DNAH9: variants seen among roughly 807,000 people sequenced by gnomAD.
DNAH9 encodes the protein dynein axonemal heavy chain 9.
In DNAH9, 345 loss-of-function variants were observed where a neutral mutation model predicts 471.6. The ratio of observed to expected loss-of-function variants is 0.73; its 90% confidence interval spans 0.67 to 0.80. The LOEUF is 0.80. Among genes scored for constraint, DNAH9 ranks in the 30% least tolerant of loss-of-function variants. The pLI, the probability that DNAH9 is intolerant of heterozygous loss-of-function variation, is 0.00. For missense variants in DNAH9, 5,407 were observed against 5,609.2 expected (o/e 0.96, Z 1.15); for synonymous variants, 2,093 against 2,123.6 (o/e 0.99, Z 0.40).
intron 26 of DNAH9, among the ~76,000 whole-genome samples, chr17:11,708,008 C>CAGAG (rs1567737016): frequency 8.5e-5 from 4 of 47,226 alleles, no homozygotes; most frequent in Admixed American, 2.7e-4. Context: ...CACACACACA[C>CAGAG]ACACACAGAG....
At chr17:11,908,660 A>G (rs1973686250) in intron 61 of DNAH9, among the ~76,000 whole-genome samples, 1 of 152,250 alleles carries the variant, frequency 6.6e-6, no homozygotes, top group South Asian at 2.1e-4. Flanking sequence ...TAAACATTCC[A>G]CATCAAACGA....
At chr17:11,811,556 GT>G (rs1380243419) in intron 45 of DNAH9, among the ~76,000 whole-genome samples, 2 of 152,068 alleles carry the variant, frequency 1.3e-5, no homozygotes, top group African/African-American at 4.8e-5. Context: ...CATCCCTGCT[GT>G]TGACCCAGCA....
At position 11,880,230 on chromosome 17, in the gene DNAH9, G is replaced by C. The variant is rs191541079; in HGVS notation, c.10601+30G>C. 656 of 1,608,286 alleles carry C rather than the reference G, an allele frequency of 4.1e-4. 4 individuals carry two copies. The African/African-American group carries it at 7.6e-3, about 19-fold the overall frequency. On this transcript the variant is annotated intron_variant, in intron 54 of 68. Coordinates refer to ENST00000262442, the MANE Select transcript of DNAH9 (RefSeq NM_001372.4). Reference sequence around the variant, plus strand: ...GACTCAGCTGTGTTGCTGACCCTTCGGGGGGAGCTGGTTCATGGCCCTGGT... The same window carrying C: ...GACTCAGCTGTGTTGCTGACCCTTCCGGGGGAGCTGGTTCATGGCCCTGGT...
At chr17:11,822,742 C>A in intron 47 of DNAH9, 59 bp from the exon 48 acceptor site, 1 of 1,592,722 alleles carries the variant, frequency 6.3e-7, no homozygotes, top group South Asian at 1.1e-5. Flanking sequence ...GAGGGGTGAG[C>A]AGTTGCCTCC....
intron 45 of DNAH9, among the ~76,000 whole-genome samples, chr17:11,818,791 C>T (rs1323870754): frequency 6.6e-6 from 1 of 151,794 alleles, no homozygotes; most frequent in South Asian, 2.1e-4. Flanking sequence ...TCATTCTTAC[C>T]TCCCTCAGTC....
intron 67 of DNAH9, among the ~76,000 whole-genome samples, chr17:11,948,449 C>T (rs1975228306): frequency 6.6e-6 from 1 of 151,940 alleles, no homozygotes; most frequent in Non-Finnish European, 1.5e-5. Context: ...AGGCTGGTCT[C>T]GAACCCCTGA....
At chr17:11,794,036 ATTTT>A (rs35741238) in intron 42 of DNAH9, among the ~76,000 whole-genome samples, 3 of 80,892 alleles carry the variant, frequency 3.7e-5, no homozygotes, top group Non-Finnish European at 4.7e-5. Context: ...ATTTTGAGCA[ATTTT>A]TTTTTTTTTT....
intron 6 of DNAH9, among the ~76,000 whole-genome samples, chr17:11,624,969 A>T (rs1469214029): frequency 6.6e-6 from 1 of 152,208 alleles, no homozygotes; most frequent in East Asian, 1.9e-4. Context: ...AGAAGTATAT[A>T]AAATCTTTGC....
In DNAH9 at chr17:11,769,170, G is replaced by C. The variant is rs1457202732; in HGVS notation, c.7393G>C (p.Glu2465Gln). 1 of 1,614,098 alleles carries C rather than the reference G, an allele frequency of 6.2e-7. No individual in the cohort carries two copies. Among genetic ancestry groups the C allele is most frequent in the Non-Finnish European group, 8.5e-7 (1 of 1,180,050 alleles). Residue 2465 changes from glutamate to glutamine, a missense_variant, in exon 38 of 69, where the codon GAG (glutamate) becomes CAG (glutamine). Around this residue, in one of 3 missense-constraint regions of DNAH9, gnomAD observed 4,636 missense variants for 4,900.3 expected, o/e 0.95. Coordinates refer to ENST00000262442, the MANE Select transcript of DNAH9 (RefSeq NM_001372.4). ...SETIRVCYFM[E>Q]RLMARQRPVM... ...GACCATCCGTGTGTGCTACTTCATGGAGCGGTTGATGGCGCGGCAGCGGCC... is the reference window on the plus strand; with the variant it reads ...GACCATCCGTGTGTGCTACTTCATGCAGCGGTTGATGGCGCGGCAGCGGCC...
At chr17:11,918,205 T>TTTTG (rs77386859) in intron 61 of DNAH9, among the ~76,000 whole-genome samples, 100 of 147,890 alleles carry the variant, frequency 6.8e-4, no homozygotes, top group African/African-American at 2.1e-3. Flanking sequence ...GTTGGGTGTT[T>TTTTG]TTTTGTTTTG....
At chr17:11,653,496 A>AT (rs2073559312) in intron 14 of DNAH9, among the ~76,000 whole-genome samples, 1 of 152,220 alleles carries the variant, frequency 6.6e-6, no homozygotes, top group Non-Finnish European at 1.5e-5. Flanking sequence ...TCTGCCCTGC[A>AT]TTAGTGGTCA....
chr17:11,663,928 A>G (rs751941574), intron 14 of DNAH9, among the ~76,000 whole-genome samples: 6 of 152,190 alleles, frequency 3.9e-5, no homozygotes, highest in Non-Finnish European at 8.8e-5. Flanking sequence ...GCATCTTAGA[A>G]ATTGTAGAGT....
intron 67 of DNAH9, among the ~76,000 whole-genome samples, chr17:11,950,959 G>A (rs1363550177): frequency 4.6e-5 from 7 of 152,112 alleles, no homozygotes; most frequent in Admixed American, 3.3e-4. Context: ...TCCACAACCT[G>A]ACACCTTAGG....
chr17:11,787,300 C>T lies in DNAH9; in HGVS notation c.8061+2761C>T, dbSNP rs1001007227. ...TAAACACAGTTTTAACAGCTGGCCA[C>T]CTGCAATTGGGCAAAACTCAGTGAT... On this transcript the variant is annotated intron_variant, in intron 41 of 68. Coordinates refer to ENST00000262442, the MANE Select transcript of DNAH9 (RefSeq NM_001372.4). Among the ~76,000 whole-genome samples the T allele has an allele frequency of 3.3e-5, 5 of 152,316 alleles. No individual in the cohort carries two copies. In the South Asian group the frequency reaches 8.3e-4, roughly 25 times the overall value.
intron 34 of DNAH9, among the ~76,000 whole-genome samples, chr17:11,757,278 C>A (rs1405959061): frequency 6.6e-6 from 1 of 152,096 alleles, no homozygotes. Context: ...ATCATCCCAG[C>A]ACTTTAGGAG....
chr17:11,786,085 G>GAA (rs35183367), intron 41 of DNAH9, among the ~76,000 whole-genome samples: 3,357 of 150,222 alleles, frequency 0.022, 131 homozygotes, highest in African/African-American at 0.078. Context: ...TTTTTCAAAT[G>GAA]AAAAAAAAAA....
At chr17:11,874,177 G>A (rs1032513978) in intron 52 of DNAH9, among the ~76,000 whole-genome samples, 1 of 146,100 alleles carries the variant, frequency 6.8e-6, no homozygotes, top group African/African-American at 2.5e-5. Flanking sequence ...CCCGGGAGGT[G>A]GAGTTTGCAT....
intron 27 of DNAH9, among the ~76,000 whole-genome samples, chr17:11,724,189 G>A (rs1450631824): frequency 6.6e-6 from 1 of 151,730 alleles, no homozygotes; most frequent in East Asian, 1.9e-4. Context: ...TCTTTGTGTT[G>A]GGAACATTCC....
intron 34 of DNAH9, 115 bp downstream of exon 34, chr17:11,756,791 A>C: frequency 4.3e-6 from 3 of 699,550 alleles, no homozygotes; most frequent in South Asian, 3.3e-5. Context: ...CAGAAGCCTC[A>C]CGTGCAGTTT....
Sources: gnomAD v4.1 joint callset for allele counts (sites outside exome capture counted in the v4.1 genomes callset) on GRCh38, gnomAD v4.1.1 for gene constraint, gnomAD v4.1.1 regional missense constraint, MANE v1.5 for transcripts, NCBI Gene and HGNC (gene_info 2026-07-23, HGNC 2026-07-21) for gene names.